CACNA2D3: variants seen among roughly 807,000 people sequenced by gnomAD.
CACNA2D3 encodes calcium voltage-gated channel auxiliary subunit alpha2delta 3.
Under a neutral mutation model 160.6 loss-of-function variants are expected in CACNA2D3, and 60 were observed. That is an observed-to-expected ratio of 0.37 (90% confidence interval 0.30 to 0.46). CACNA2D3 has a LOEUF of 0.46. CACNA2D3 is among the 20% of genes least tolerant of loss of function. The probability of loss-of-function intolerance (pLI) is 1.00; values close to 1 mark genes in which losing one functional copy is unlikely to be tolerated. For missense variants in CACNA2D3, 1,205 were observed against 1,365.0 expected (o/e 0.88, Z 1.85); for synonymous variants, 558 against 492.9 (o/e 1.13, Z -1.75).
At chr3:54,593,757 T>C (rs142547434) in intron 9 of CACNA2D3, among the ~76,000 whole-genome samples, 265 of 152,262 alleles carry the variant, frequency 1.7e-3, no homozygotes, top group African/African-American at 6.2e-3. Flanking sequence ...GCACAGGCAA[T>C]AGATACAGCT....
chr3:54,958,224 C>G, intron 27 of CACNA2D3, among the ~76,000 whole-genome samples: 1 of 152,278 alleles, frequency 6.6e-6, no homozygotes, highest in East Asian at 1.9e-4. Context: ...GACAAGAAAA[C>G]CAGCAGAATA....
rs34005090 is a variant in CACNA2D3, at chr3:54,763,896, TGGGG to T, written c.1247-313_1247-310del. Among the ~76,000 whole-genome samples, 405 of 56,100 alleles carry T rather than the reference TGGGG, an allele frequency of 7.2e-3. 106 individuals carry two copies. The highest frequency in any genetic ancestry group is 0.024 in the African/African-American group (339 of 14,030). 36.8% of individuals were successfully genotyped at this position (56,100 alleles called of 152,430 possible). On this transcript the variant is annotated intron_variant, in intron 12 of 37. Transcript: ENST00000474759. ...GTATATATATGTATATATATGTATG[TGGGG>T]GGGGGGGGTGCATATAAAGTTAGGG...
intron 5 of CACNA2D3, among the ~76,000 whole-genome samples, chr3:54,550,123 A>G (rs1438112902): frequency 6.6e-6 from 1 of 151,982 alleles, no homozygotes; most frequent in Non-Finnish European, 1.5e-5. Flanking sequence ...TTCAAATCCC[A>G]TAGGTATTTT....
At chr3:54,479,619 C>A (rs1700899899) in intron 4 of CACNA2D3, among the ~76,000 whole-genome samples, 1 of 152,080 alleles carries the variant, frequency 6.6e-6, no homozygotes, top group Non-Finnish European at 1.5e-5. Flanking sequence ...CCTTTTTCTC[C>A]CTCCCTTCTT....
intron 4 of CACNA2D3, among the ~76,000 whole-genome samples, chr3:54,440,810 A>T (rs1700132380): frequency 6.6e-6 from 1 of 152,186 alleles, no homozygotes. Context: ...TACAAAGGAC[A>T]TGAACTCATC....
At chr3:55,072,327 T>C (rs1704828389) in intron 35 of CACNA2D3, among the ~76,000 whole-genome samples, 1 of 152,182 alleles carries the variant, frequency 6.6e-6, no homozygotes, top group South Asian at 2.1e-4. Flanking sequence ...CTGAGAGGCA[T>C]TCATGGATCA....
chr3:54,517,199 T>C (rs1387545736), intron 5 of CACNA2D3, among the ~76,000 whole-genome samples: 1 of 152,224 alleles, frequency 6.6e-6, no homozygotes, highest in African/African-American at 2.4e-5. Flanking sequence ...TTGTCCTAGC[T>C]GCGTTGCTTA....
chr3:54,354,072 TAC>T (rs1351207230), intron 3 of CACNA2D3, among the ~76,000 whole-genome samples: 2 of 152,220 alleles, frequency 1.3e-5, no homozygotes, highest in African/African-American at 4.8e-5. Flanking sequence ...TTAGCCAAGC[TAC>T]ACACATTCAA....
intron 13 of CACNA2D3, among the ~76,000 whole-genome samples, chr3:54,804,791 A>T (rs1449395665): frequency 6.6e-6 from 1 of 152,206 alleles, no homozygotes; most frequent in Non-Finnish European, 1.5e-5. Context: ...AATTGACCAC[A>T]TAGTTGGAAG....
At chr3:54,960,989 T>C (rs1702018363) in intron 27 of CACNA2D3, among the ~76,000 whole-genome samples, 1 of 152,250 alleles carries the variant, frequency 6.6e-6, no homozygotes, top group African/African-American at 2.4e-5. Context: ...TTCCAAACCC[T>C]GGGTTAATCA....
chr3:54,774,409 G>A (rs1161820901), intron 13 of CACNA2D3, among the ~76,000 whole-genome samples: 3 of 151,930 alleles, frequency 2.0e-5, no homozygotes, highest in Admixed American at 2.0e-4. Flanking sequence ...AGAGAGAGTG[G>A]GGAGGTGCTA....
chr3:54,262,728 G>A (rs1017260536), intron 2 of CACNA2D3, among the ~76,000 whole-genome samples: 9 of 152,162 alleles, frequency 5.9e-5, no homozygotes, highest in Non-Finnish European at 8.8e-5. Flanking sequence ...CTGGCCAAGC[G>A]GAACCTGTGG....
intron 18 of CACNA2D3, among the ~76,000 whole-genome samples, chr3:54,873,944 T>A (rs913415569): frequency 1.3e-5 from 2 of 152,220 alleles, no homozygotes. Flanking sequence ...TGCTGGGCCT[T>A]GGGATTTGCA....
chr3:54,367,670 C>A, intron 3 of CACNA2D3: 1 of 228,176 alleles, frequency 4.4e-6, no homozygotes, highest in Non-Finnish European at 9.4e-6. Flanking sequence ...CCCAGTAGAG[C>A]TCATCCCAGA....
intron 2 of CACNA2D3, among the ~76,000 whole-genome samples, chr3:54,295,392 C>T (rs757823204): frequency 1.3e-5 from 2 of 151,732 alleles, no homozygotes; most frequent in East Asian, 2.0e-4. Flanking sequence ...AGGTTAAGGA[C>T]GTGCCCATGA....
At chr3:54,537,182 T>C (rs1701903445) in intron 5 of CACNA2D3, among the ~76,000 whole-genome samples, 1 of 152,058 alleles carries the variant, frequency 6.6e-6, no homozygotes, top group Non-Finnish European at 1.5e-5. Context: ...TGCAGGCATG[T>C]TGATCATCTC....
chr3:54,853,239 G>A (rs74744624), intron 17 of CACNA2D3, among the ~76,000 whole-genome samples: 1,685 of 152,028 alleles, frequency 0.011, 36 homozygotes, highest in African/African-American at 0.038. Flanking sequence ...ACCACTCTTG[G>A]AAAACGTCTA....
chr3:54,788,072 A>C (rs1438232456), intron 13 of CACNA2D3, among the ~76,000 whole-genome samples: 1 of 152,178 alleles, frequency 6.6e-6, no homozygotes, highest in African/African-American at 2.4e-5. Context: ...CTCTGTCCCC[A>C]ATACTGTTAC....
At chr3:54,552,360 A>G (rs1273297092) in intron 5 of CACNA2D3, among the ~76,000 whole-genome samples, 5 of 152,156 alleles carry the variant, frequency 3.3e-5, no homozygotes, top group Non-Finnish European at 7.4e-5. Context: ...TAATTATTTG[A>G]TGATGGCTAG....
Sources: gnomAD v4.1 joint callset for allele counts (sites outside exome capture counted in the v4.1 genomes callset) on GRCh38, gnomAD v4.1.1 for gene constraint, MANE v1.5 for transcripts, NCBI Gene and HGNC (gene_info 2026-07-23, HGNC 2026-07-21) for gene names.